The following RUNDC1 variants were observed in gnomAD, a reference collection of about 807,000 sequenced individuals.
RUNDC1 encodes RUN domain containing 1, also known as RUN domain-containing protein 1.
In RUNDC1, 31 loss-of-function variants were observed where a neutral mutation model predicts 49.3. That is an observed-to-expected ratio of 0.63 (90% CI 0.47 to 0.85). The LOEUF is 0.85. RUNDC1 is among the 40% of genes least tolerant of loss of function. The pLI is 0.00. For synonymous variants in RUNDC1, 347 were observed against 348.6 expected, an observed-to-expected ratio of 1.00 and a Z score of 0.05; for missense variants, 715 against 806.7, an observed-to-expected ratio of 0.89 and a Z score of 1.38.
chr17:42,983,710 C>G (rs550828111), intron 1 of RUNDC1, among the ~76,000 whole-genome samples: 1 of 151,060 alleles, frequency 6.6e-6, no homozygotes, highest in African/African-American at 2.4e-5. Flanking sequence ...CTCACTCTGT[C>G]GCCCAGGCTG....
At chr17:42,985,602 C>CTTTTTTTTT (rs71157692) in intron 1 of RUNDC1, 75 of 169,286 alleles carry the variant, frequency 4.4e-4, no homozygotes, top group East Asian at 6.2e-4. Context: ...TTGTTGTTTT[C>CTTTTTTTTT]TTTTTTTTTT....
At chr17:42,983,713 C>T (rs1227903731) in intron 1 of RUNDC1, among the ~76,000 whole-genome samples, 1 of 151,730 alleles carries the variant, frequency 6.6e-6, no homozygotes, top group Non-Finnish European at 1.5e-5. Flanking sequence ...ACTCTGTCGC[C>T]CAGGCTGGAA....
At chr17:42,986,944 CT>C (rs1333008175) in intron 1 of RUNDC1, among the ~76,000 whole-genome samples, 2 of 152,090 alleles carry the variant, frequency 1.3e-5, no homozygotes, top group East Asian at 3.8e-4. Flanking sequence ...GCTATCTTGG[CT>C]GAGATAGATT....
chr17:42,984,064 G>A (rs1195324899), intron 1 of RUNDC1, among the ~76,000 whole-genome samples: 1 of 151,724 alleles, frequency 6.6e-6, no homozygotes, highest in Non-Finnish European at 1.5e-5. Flanking sequence ...CAACCTCCTG[G>A]GCTCAATCCA....
intron 2 of RUNDC1, among the ~76,000 whole-genome samples, chr17:42,987,877 C>T (rs900359351): frequency 6.6e-6 from 1 of 152,086 alleles, no homozygotes; most frequent in African/African-American, 2.4e-5. Context: ...CTCAGCCTCC[C>T]AAGTAACTGG....
chr17:42,987,143 G>T (rs2050181832), intron 1 of RUNDC1, 113 bp from the exon 2 acceptor site: 3 of 689,422 alleles, frequency 4.4e-6, no homozygotes, highest in South Asian at 2.1e-5. Flanking sequence ...ATTTCATTTG[G>T]ATTATTGGAA....
rs755420359 is a variant in RUNDC1 at position 42,981,043 on chromosome 17, G to A, written c.467G>A (p.Gly156Glu). 6.4e-7 allele frequency: 1 copy of A among 1,558,804 alleles called. No homozygotes were observed. Among genetic ancestry groups the A allele is most frequent in the African/African-American group, 1.4e-5 (1 of 73,240 alleles). Residue 156 changes from glycine (G) to glutamate (E), a missense_variant, in exon 1 of 5, where the codon GGG becomes GAG. By Grantham distance (98) the Gly-to-Glu change is moderately conservative. Coordinates refer to ENST00000361677, the MANE Select transcript of RUNDC1 (RefSeq NM_173079.5). ...PASDEGDGLP[G>E]DRPWLRGEDQ... ...AGCGATGAGGGCGATGGGCTGCCAG[G>A]GGACCGGCCATGGTTGCGGGGCGAG...
At position 42,993,923 on chromosome 17, in the gene RUNDC1, G is replaced by C. The variant is rs2050277386; in HGVS notation, c.*2207G>C. Among the ~76,000 whole-genome samples, 1 of 152,130 alleles carries C rather than the reference G, an allele frequency of 6.6e-6. No individual in the cohort carries two copies. The highest frequency in any genetic ancestry group is 2.4e-5 in the African/African-American group (1 of 41,410). ...TGTCCAGGCTGGAGTGCAATGGCGTGATCTCAGCTCACTGCAACCTCCGCC... is the reference window on the plus strand; with the variant it reads ...TGTCCAGGCTGGAGTGCAATGGCGTCATCTCAGCTCACTGCAACCTCCGCC... On this transcript the variant is annotated 3_prime_UTR_variant, in exon 5 of 5. Coordinates refer to ENST00000361677, the MANE Select transcript of RUNDC1 (RefSeq NM_173079.5).
At chr17:42,986,751 G>A (rs2050177815) in intron 1 of RUNDC1, among the ~76,000 whole-genome samples, 4 of 151,908 alleles carry the variant, frequency 2.6e-5, no homozygotes, top group East Asian at 1.9e-4. Context: ...CACCCGCCTC[G>A]GCCTCCCAAA....
At chr17:42,988,587 C>T (rs2050200058) in intron 2 of RUNDC1, among the ~76,000 whole-genome samples, 1 of 152,086 alleles carries the variant, frequency 6.6e-6, no homozygotes, top group Non-Finnish European at 1.5e-5. Flanking sequence ...CTAATAATGT[C>T]ACTAGGATAT....
At chr17:42,989,303 A>T in intron 2 of RUNDC1, 38 bp from the exon 3 acceptor site, 1 of 1,541,698 alleles carries the variant, frequency 6.5e-7, no homozygotes, top group Non-Finnish European at 9.0e-7. Context: ...CTCCCTAAAA[A>T]TTCCAAAGGG....
rs970885294 is a variant in RUNDC1, at chr17:42,995,065, A to G, written c.*3349A>G. 2.6e-5 allele frequency among the ~76,000 whole-genome samples: 4 copies of G among 152,210 alleles called. No individual in the cohort carries two copies. Among genetic ancestry groups the G allele is most frequent in the Non-Finnish European group, 4.4e-5 (3 of 68,042 alleles). ...AGTAAACCTACCCCGTGCCCTCAAC[A>G]AACACAGTCTAGCAAAGGAGATACC... On this transcript the variant is annotated 3_prime_UTR_variant, in exon 5 of 5. Coordinates refer to ENST00000361677, the MANE Select transcript of RUNDC1 (RefSeq NM_173079.5).
chr17:42,986,256 G>A (rs552485517), intron 1 of RUNDC1, among the ~76,000 whole-genome samples: 44 of 152,158 alleles, frequency 2.9e-4, no homozygotes, highest in Non-Finnish European at 5.1e-4. Flanking sequence ...TGGGACTACA[G>A]GCATGCACCA....
Position 42,991,095 on chromosome 17 carries a change from C to T in RUNDC1, c.1221C>T (p.Thr407=), listed in dbSNP as rs371346358. 2.5e-5 allele frequency: 40 copies of T among 1,614,086 alleles called. No individual in the cohort carries two copies. The highest frequency in any genetic ancestry group is 3.3e-5 in the Non-Finnish European group (39 of 1,180,036). Residue 407 remains threonine, a synonymous_variant, in exon 5 of 5, where the codon ACC becomes ACT. Coordinates refer to ENST00000361677, the MANE Select transcript of RUNDC1 (RefSeq NM_173079.5). ...LRQQPHDHVI[T]SANLQDLSLG... The stretch of plus-strand genomic sequence containing the variant: ...AGCAGCCACATGACCATGTCATCAC[C>T]TCTGCCAACCTCCAGGACCTCTCTC...
At chr17:42,986,161 AT>A (rs11408425) in intron 1 of RUNDC1, among the ~76,000 whole-genome samples, 1 of 149,856 alleles carries the variant, frequency 6.7e-6, no homozygotes, top group African/African-American at 2.5e-5. Flanking sequence ...CGCCTGGCTA[AT>A]TTTTTTTTTC....
intron 4 of RUNDC1, 110 bp downstream of exon 4, chr17:42,990,546 T>A (rs1285372492): frequency 5.3e-6 from 6 of 1,134,998 alleles, no homozygotes; most frequent in Non-Finnish European, 6.3e-6. Flanking sequence ...ATGCTGATGG[T>A]ATGGATTTGC....
At position 42,991,281 on chromosome 17, in the gene RUNDC1, C is replaced by A. The variant is rs1435277324; in HGVS notation, c.1407C>A (p.Ala469=). ...LLPAFSSAPE[A]MHPWELFVKY... is the part of the protein sequence containing the mutation. ...CAGCCTTCTCCTCGGCCCCAGAGGCCATGCACCCGTGGGAGCTCTTTGTAA... is the reference window on the plus strand; with the variant it reads ...CAGCCTTCTCCTCGGCCCCAGAGGCAATGCACCCGTGGGAGCTCTTTGTAA... Residue 469 remains alanine, a synonymous_variant, in exon 5 of 5, where the codon GCC becomes GCA. Transcript: ENST00000361677. 1 of 1,614,196 alleles carries A rather than the reference C, an allele frequency of 6.2e-7. No individual in the cohort carries two copies. The highest frequency in any genetic ancestry group is 2.2e-5 in the East Asian group (1 of 44,874).
At chr17:42,989,208 G>A (rs997717682) in intron 2 of RUNDC1, 133 bp from the exon 3 acceptor site, 6 of 655,076 alleles carry the variant, frequency 9.2e-6, no homozygotes, top group Non-Finnish European at 1.6e-5. Context: ...CAGCAGTTAA[G>A]TCATTTACTT....
At chr17:42,988,929 C>A (rs1363286792) in intron 2 of RUNDC1, among the ~76,000 whole-genome samples, 6 of 152,134 alleles carry the variant, frequency 3.9e-5, no homozygotes. Context: ...GTGAGCTACG[C>A]TCACATTACT....
Sources: gnomAD v4.1 joint callset for allele counts (sites outside exome capture counted in the v4.1 genomes callset) on GRCh38, gnomAD v4.1.1 for gene constraint, MANE v1.5 for transcripts, NCBI Gene and HGNC (gene_info 2026-07-23, HGNC 2026-07-21) for gene names.